Variants in TBXAS1 observed in about 807,000 individuals in gnomAD.
TBXAS1 encodes the protein thromboxane-A synthase.
Under a neutral mutation model 60.7 loss-of-function variants are expected in TBXAS1, and 48 were observed. That is an observed-to-expected ratio of 0.79 (90% CI 0.63 to 1.01). The LOEUF is 1.01. TBXAS1 is among the 50% of genes least tolerant of loss of function. TBXAS1 has a pLI of 0.00. For missense variants in TBXAS1, 685 were observed against 686.3 expected, an observed-to-expected ratio of 1.00 and a Z score of 0.02; for synonymous variants, 287 against 269.7, an observed-to-expected ratio of 1.06 and a Z score of -0.63.
At chr7:139,879,709 TGATAAACC>T (rs1466257677) in intron 3 of TBXAS1, among the ~76,000 whole-genome samples, 1 of 152,196 alleles carries the variant, frequency 6.6e-6, no homozygotes, top group African/African-American at 2.4e-5. Flanking sequence ...ACCCAGTAGA[TGATAAACC>T]TTTATTAATT....
At position 139,957,551 on chromosome 7, in the gene TBXAS1, T is replaced by C. The variant is rs1000279337; in HGVS notation, c.689-83T>C. The C allele has an allele frequency of 1.1e-5, 17 of 1,599,414 alleles. No individual in the cohort carries two copies. In the African/African-American group the frequency reaches 1.5e-4, roughly 14 times the overall value. ...AAACGGCTCCGATTCCAGGCCCGCG[T>C]TTGCTTCCCGGGAACAGGCGTCTAA... On this transcript the variant is annotated intron_variant, in intron 7 of 12. Transcript: ENST00000448866.
chr7:139,841,010 G>A (rs115507452), intron 1 of TBXAS1, among the ~76,000 whole-genome samples: 15,570 of 152,212 alleles, frequency 0.1, 925 homozygotes, highest in Non-Finnish European at 0.14. Context: ...TGCCGCTCAG[G>A]AAAAGCAAGT....
chr7:139,899,328 G>C (rs1051289741), intron 3 of TBXAS1, among the ~76,000 whole-genome samples: 5 of 152,180 alleles, frequency 3.3e-5, no homozygotes, highest in Admixed American at 1.3e-4. Flanking sequence ...ACCAGGAACA[G>C]TCTATAGCTC....
intron 9 of TBXAS1, among the ~76,000 whole-genome samples, chr7:139,986,721 TCATATATATATATATATACATA>T (rs1327843903): frequency 2.8e-4 from 24 of 85,310 alleles, no homozygotes; most frequent in African/African-American, 1.2e-3. Flanking sequence ...TAGTATTCCA[TCATATATATATATATATACATA>T]CATATATATA....
At chr7:139,995,173 G>A (rs1434626041) in intron 9 of TBXAS1, among the ~76,000 whole-genome samples, 3 of 152,170 alleles carry the variant, frequency 2.0e-5, no homozygotes, top group Admixed American at 6.5e-5. Flanking sequence ...AGAGGAGCAG[G>A]AAGCAGGAGG....
At chr7:140,014,402 G>C (rs1218521408) in intron 10 of TBXAS1, among the ~76,000 whole-genome samples, 1 of 152,158 alleles carries the variant, frequency 6.6e-6, no homozygotes, top group Non-Finnish European at 1.5e-5. Flanking sequence ...TTGGAACCTG[G>C]GGTTCAGGCT....
At chr7:139,984,785 GA>G (rs1812287749) in intron 9 of TBXAS1, among the ~76,000 whole-genome samples, 1 of 124,776 alleles carries the variant, frequency 8.0e-6, no homozygotes, top group South Asian at 2.5e-4. Flanking sequence ...AGAAAGAAAA[GA>G]AAGAAAGAAA....
intron 1 of TBXAS1, among the ~76,000 whole-genome samples, chr7:139,832,899 C>A (rs1334709952): frequency 1.3e-5 from 2 of 152,144 alleles, no homozygotes; most frequent in African/African-American, 2.4e-5. Flanking sequence ...CGTTTTCAGA[C>A]AAACAAATGC....
Position 140,004,558 on chromosome 7 carries a change from C to T in TBXAS1, c.1135-2533C>T, listed in dbSNP as rs1813914093. Among the ~76,000 whole-genome samples the T allele has an allele frequency of 6.6e-6, 1 of 152,212 alleles. No individual in the cohort carries two copies. The highest frequency in any genetic ancestry group is 6.5e-5 in the Admixed American group (1 of 15,278). Reference sequence around the variant, plus strand: ...CTCATAAAGATTGGAAGCAGGAAGACAAGTTGCCTCCAGGTTTGCCCAACG... The same window carrying T: ...CTCATAAAGATTGGAAGCAGGAAGATAAGTTGCCTCCAGGTTTGCCCAACG... On this transcript the variant is annotated intron_variant, in intron 9 of 12. Coordinates refer to ENST00000448866, the MANE Select transcript of TBXAS1 (RefSeq NM_001061.7). The surrounding 1 kb of genome is among the most constrained non-coding windows in gnomAD (Gnocchi z 5.1).
chr7:139,831,488 G>T (rs1798698658), intron 1 of TBXAS1, among the ~76,000 whole-genome samples: 1 of 152,256 alleles, frequency 6.6e-6, no homozygotes, highest in South Asian at 2.1e-4. Context: ...GGATTCACAG[G>T]CAAGGAAAGA....
chr7:139,956,776 G>A (rs1451185670), intron 7 of TBXAS1, among the ~76,000 whole-genome samples: 2 of 152,238 alleles, frequency 1.3e-5, no homozygotes, highest in East Asian at 3.9e-4. Context: ...CCTCAACCAC[G>A]GCCCAGGCCT....
chr7:139,989,247 A>G (rs1812721987), intron 9 of TBXAS1, among the ~76,000 whole-genome samples: 2 of 152,148 alleles, frequency 1.3e-5, no homozygotes, highest in Non-Finnish European at 2.9e-5. Context: ...TTTGAGAAGA[A>G]GTCAGCATCA....
At chr7:139,895,508 G>A (rs1459096500) in intron 3 of TBXAS1, among the ~76,000 whole-genome samples, 2 of 152,154 alleles carry the variant, frequency 1.3e-5, no homozygotes, top group Non-Finnish European at 2.9e-5. Flanking sequence ...TACTCAGCCC[G>A]GCCACTGGAT....
intron 3 of TBXAS1, among the ~76,000 whole-genome samples, chr7:139,901,729 G>A (rs535452497): frequency 3.3e-5 from 5 of 152,020 alleles, no homozygotes; most frequent in South Asian, 2.1e-4. Flanking sequence ...TGAATGCTCC[G>A]CAGTTGGTTT....
intron 4 of TBXAS1, among the ~76,000 whole-genome samples, chr7:139,811,852 A>T (rs1798026844): frequency 6.6e-6 from 1 of 152,248 alleles, no homozygotes; most frequent in Admixed American, 6.5e-5. Context: ...TCTACATGAC[A>T]GTGACTCTGG....
intron 4 of TBXAS1, among the ~76,000 whole-genome samples, chr7:139,921,568 T>C (rs1456291916): frequency 6.6e-6 from 1 of 152,032 alleles, no homozygotes; most frequent in African/African-American, 2.4e-5. Flanking sequence ...CCAGGCCCCG[T>C]GGTGTGTGCC....
chr7:139,951,722 G>A (rs1465477049), intron 5 of TBXAS1, among the ~76,000 whole-genome samples: 6 of 144,120 alleles, frequency 4.2e-5, no homozygotes, highest in Non-Finnish European at 7.5e-5. Context: ...GCAGTGAGCC[G>A]AGATCACACC....
At chr7:139,879,026 T>C (rs1802476023) in intron 3 of TBXAS1, among the ~76,000 whole-genome samples, 1 of 152,220 alleles carries the variant, frequency 6.6e-6, no homozygotes, top group Admixed American at 6.5e-5. Context: ...ATATTTATTA[T>C]CTGGTTGTCA....
At chr7:139,986,736 TATACATAC>T (rs771186113) in intron 9 of TBXAS1, among the ~76,000 whole-genome samples, 1,691 of 40,378 alleles carry the variant, frequency 0.042, 45 homozygotes, top group Non-Finnish European at 0.045. Context: ...TATATATATA[TATACATAC>T]ATATATATAT....
Sources: allele counts gnomAD v4.1 joint callset (sites outside exome capture counted in the v4.1 genomes callset), GRCh38; gene constraint gnomAD v4.1.1; non-coding constraint Gnocchi (gnomAD v3.1); transcripts MANE v1.5; gene names NCBI Gene and HGNC (gene_info 2026-07-23, HGNC 2026-07-21).